The following TENM4 variants were observed in gnomAD, a reference collection of about 807,000 sequenced individuals.
TENM4 encodes teneurin transmembrane protein 4.
TENM4 carries 82 observed loss-of-function variants against 243.3 expected under a neutral mutation model. The observed-to-expected ratio is 0.34, with a 90% CI of 0.28 to 0.40. The LOEUF is 0.40. Among genes scored for constraint, TENM4 ranks in the 10% least tolerant of loss-of-function variants. TENM4 has a pLI of 1.00. For missense variants in TENM4, 3,138 were observed against 3,673.3 expected, an observed-to-expected ratio of 0.85 and a Z score of 3.77; for synonymous variants, 1,412 against 1,456.3, an observed-to-expected ratio of 0.97 and a Z score of 0.69.
intron 6 of TENM4, among the ~76,000 whole-genome samples, chr11:78,980,126 C>T (rs1485741482): frequency 1.3e-5 from 2 of 152,212 alleles, no homozygotes; most frequent in Non-Finnish European, 2.9e-5. Context: ...GGCTGAATAA[C>T]TGAGTCCTTT....
intron 2 of TENM4, among the ~76,000 whole-genome samples, chr11:79,243,817 G>A (rs779794259): frequency 9.2e-5 from 14 of 152,220 alleles, no homozygotes; most frequent in African/African-American, 1.9e-4. Context: ...AAGAGCAGGC[G>A]GCAACTGAGA....
At chr11:79,368,754 A>T (rs76950231) in intron 1 of TENM4, among the ~76,000 whole-genome samples, 52 of 152,358 alleles carry the variant, frequency 3.4e-4, no homozygotes, top group African/African-American at 1.2e-3. Context: ...TAAGGAGTTT[A>T]TAATAGTCTC....
At chr11:78,700,746 T>C (rs148243239) in intron 28 of TENM4, among the ~76,000 whole-genome samples, 8 of 152,268 alleles carry the variant, frequency 5.3e-5, no homozygotes, top group Non-Finnish European at 4.4e-5. Flanking sequence ...AGGTGGGCAC[T>C]AGGACTGAAA....
chr11:78,880,731 T>C (rs1200446242), intron 9 of TENM4, among the ~76,000 whole-genome samples: 3 of 152,232 alleles, frequency 2.0e-5, no homozygotes, highest in Non-Finnish European at 2.9e-5. Flanking sequence ...TTCTGGATGA[T>C]ACCTTAAAAA....
intron 1 of TENM4, among the ~76,000 whole-genome samples, chr11:79,408,460 C>T (rs1037459086): frequency 4.6e-5 from 7 of 152,170 alleles, no homozygotes; most frequent in Admixed American, 4.6e-4. Flanking sequence ...AGAGGCAGAG[C>T]TACTTATCTA....
chr11:79,372,832 G>A (rs1857813821), intron 1 of TENM4, among the ~76,000 whole-genome samples: 1 of 152,188 alleles, frequency 6.6e-6, no homozygotes, highest in Admixed American at 6.5e-5. Flanking sequence ...CTACACATAA[G>A]GGAGATGGAT....
intron 26 of TENM4, 72 bp from the exon 27 acceptor site, chr11:78,708,587 G>T: frequency 6.5e-7 from 1 of 1,534,462 alleles, no homozygotes; most frequent in Non-Finnish European, 8.8e-7. Flanking sequence ...CTGGAGCCTT[G>T]CTAACTGACA....
Position 79,282,879 on chromosome 11 carries a change from G to C in TENM4, c.-265+14609C>G, listed in dbSNP as rs144748088. Among the ~76,000 whole-genome samples the C allele has an allele frequency of 2.6e-5, 4 of 152,140 alleles. No individual in the cohort carries two copies. The East Asian group carries it at 7.7e-4, about 29-fold the overall frequency. ...CATTCTGTCCCAGGCTGGGTCCCCA[G>C]TATTAAGCACCTTGCCTGGCATAAT... On this transcript the variant is annotated intron_variant, in intron 2 of 33. Coordinates refer to ENST00000278550, the MANE Select transcript of TENM4 (RefSeq NM_001098816.3).
At chr11:78,909,903 G>A (rs1856147057) in intron 6 of TENM4, among the ~76,000 whole-genome samples, 1 of 152,148 alleles carries the variant, frequency 6.6e-6, no homozygotes, top group African/African-American at 2.4e-5. Context: ...TATCCAGAGG[G>A]TGGGGGGTCA....
At chr11:79,197,426 G>A (rs1308077936) in intron 3 of TENM4, among the ~76,000 whole-genome samples, 1 of 151,784 alleles carries the variant, frequency 6.6e-6, no homozygotes, top group Non-Finnish European at 1.5e-5. Flanking sequence ...CCTTTTGCCG[G>A]AGAGGTACCT....
At chr11:79,134,520 A>G (rs1031322637) in intron 4 of TENM4, among the ~76,000 whole-genome samples, 1 of 152,316 alleles carries the variant, frequency 6.6e-6, no homozygotes, top group African/African-American at 2.4e-5. Context: ...TGGAACAGAA[A>G]AAGAGCCTGC....
At chr11:78,925,555 T>C (rs1453818640) in intron 6 of TENM4, among the ~76,000 whole-genome samples, 2 of 152,156 alleles carry the variant, frequency 1.3e-5, no homozygotes, top group East Asian at 1.9e-4. Flanking sequence ...TTCCTAAAGA[T>C]GACACCAGTT....
chr11:79,335,329 T>C (rs1200286684), intron 1 of TENM4, among the ~76,000 whole-genome samples: 1 of 152,166 alleles, frequency 6.6e-6, no homozygotes, highest in Non-Finnish European at 1.5e-5. Context: ...AGAGAGCCAA[T>C]AGGTCACTTC....
intron 16 of TENM4, among the ~76,000 whole-genome samples, chr11:78,779,588 T>C (rs1269736068): frequency 1.3e-5 from 2 of 152,306 alleles, no homozygotes; most frequent in East Asian, 3.9e-4. Context: ...ACTAATACCA[T>C]TTCACCTGCC....
At chr11:79,291,092 GT>G (rs1856348775) in intron 2 of TENM4, among the ~76,000 whole-genome samples, 1 of 152,172 alleles carries the variant, frequency 6.6e-6, no homozygotes, top group Non-Finnish European at 1.5e-5. Context: ...GTGGCTCTGG[GT>G]GGAGTGGTGA....
intron 1 of TENM4, among the ~76,000 whole-genome samples, chr11:79,344,465 A>G (rs1191318368): frequency 6.6e-6 from 1 of 152,170 alleles, no homozygotes; most frequent in East Asian, 1.9e-4. Flanking sequence ...TACCCATGAA[A>G]CTGCCCCAGC....
At chr11:79,022,374 A>G (rs1858952579) in intron 6 of TENM4, among the ~76,000 whole-genome samples, 1 of 152,124 alleles carries the variant, frequency 6.6e-6, no homozygotes, top group South Asian at 2.1e-4. Flanking sequence ...TCATCCACAG[A>G]CCTTCAAAGG....
At chr11:79,153,690 C>T (rs149736665) in intron 3 of TENM4, among the ~76,000 whole-genome samples, 24 of 152,256 alleles carry the variant, frequency 1.6e-4, no homozygotes, top group Admixed American at 3.3e-4. Context: ...CTGCCATGTA[C>T]GAGGCACAGT....
At chr11:78,882,156 C>T (rs1322978060) in intron 9 of TENM4, among the ~76,000 whole-genome samples, 1 of 152,296 alleles carries the variant, frequency 6.6e-6, no homozygotes, top group East Asian at 1.9e-4. Context: ...CAAATAACAC[C>T]TAGGCCCAAG....
Sources: allele counts gnomAD v4.1 joint callset (sites outside exome capture counted in the v4.1 genomes callset), GRCh38; gene constraint gnomAD v4.1.1; transcripts MANE v1.5; gene names NCBI Gene and HGNC (gene_info 2026-07-23, HGNC 2026-07-21).